The following MAST4 variants were observed in gnomAD, a reference collection of about 807,000 sequenced individuals.
MAST4 encodes microtubule associated serine/threonine kinase family member 4, also known as microtubule-associated serine/threonine-protein kinase 4.
In MAST4, 89 loss-of-function variants were observed where a neutral mutation model predicts 162.7. That is an observed-to-expected ratio of 0.55 (90% confidence interval 0.46 to 0.65). MAST4 has a LOEUF of 0.65. Among genes scored for constraint, MAST4 ranks in the 30% least tolerant of loss-of-function variants. The pLI is 0.00. For missense variants in MAST4, 3,153 were observed against 3,374.0 expected, an observed-to-expected ratio of 0.93 and a Z score of 1.62; for synonymous variants, 1,479 against 1,361.1, an observed-to-expected ratio of 1.09 and a Z score of -1.91.
chr5:66,958,125 G>A (rs1451855875), intron 4 of MAST4, among the ~76,000 whole-genome samples: 2 of 152,080 alleles, frequency 1.3e-5, no homozygotes, highest in African/African-American at 2.4e-5. Flanking sequence ...CTCTCTTTGT[G>A]TGTGTGTGTA....
At chr5:67,053,259 T>A (rs1758400471) in intron 4 of MAST4, among the ~76,000 whole-genome samples, 1 of 152,356 alleles carries the variant, frequency 6.6e-6, no homozygotes, top group East Asian at 1.9e-4. Context: ...AAGTCTGTAT[T>A]GCTGAAAGAA....
chr5:66,951,817 C>G (rs1744748196), intron 4 of MAST4, among the ~76,000 whole-genome samples: 1 of 152,236 alleles, frequency 6.6e-6, no homozygotes, highest in African/African-American at 2.4e-5. Context: ...CTTGTTGGCA[C>G]TTTCTATGTT....
intron 2 of MAST4, among the ~76,000 whole-genome samples, chr5:66,771,442 T>G (rs1754354814): frequency 1.3e-5 from 2 of 152,292 alleles, no homozygotes; most frequent in Admixed American, 1.3e-4. Context: ...CGCCTCAGCC[T>G]CCCAAAGTGC....
intron 1 of MAST4, among the ~76,000 whole-genome samples, chr5:66,647,944 A>G (rs1745950246): frequency 6.6e-6 from 1 of 151,954 alleles, no homozygotes; most frequent in African/African-American, 2.4e-5. Context: ...ATTACTTCTG[A>G]TAAGTCATTT....
chr5:67,033,380 C>T (rs1344734766), intron 4 of MAST4, among the ~76,000 whole-genome samples: 1 of 136,398 alleles, frequency 7.3e-6, no homozygotes. Context: ...AGATACTTCT[C>T]CTTTTTGAAG....
At chr5:67,030,432 C>G (rs1232527568) in intron 4 of MAST4, among the ~76,000 whole-genome samples, 2 of 152,092 alleles carry the variant, frequency 1.3e-5, no homozygotes, top group African/African-American at 4.8e-5. Context: ...ACATAATCAT[C>G]ATTTTGGTTT....
chr5:67,085,170 T>C (rs1436754965), intron 5 of MAST4, among the ~76,000 whole-genome samples: 1 of 152,212 alleles, frequency 6.6e-6, no homozygotes, highest in Admixed American at 6.5e-5. Context: ...TGCCACCATA[T>C]ACCCATTTGC....
chr5:67,048,067 T>C (rs564057008), intron 4 of MAST4, among the ~76,000 whole-genome samples: 3 of 152,256 alleles, frequency 2.0e-5, no homozygotes, highest in South Asian at 2.1e-4. Flanking sequence ...GGGCAAGAGG[T>C]GTCCAAAGAT....
At chr5:66,617,262 G>A (rs1743755467) in intron 1 of MAST4, among the ~76,000 whole-genome samples, 1 of 152,154 alleles carries the variant, frequency 6.6e-6, no homozygotes, top group South Asian at 2.1e-4. Flanking sequence ...CATGCTGTAG[G>A]CCTCCAAGAA....
At chr5:66,778,703 G>C (rs1754713387) in intron 2 of MAST4, among the ~76,000 whole-genome samples, 2 of 152,138 alleles carry the variant, frequency 1.3e-5, no homozygotes, top group South Asian at 4.1e-4. Context: ...CTATGATTGA[G>C]GGTGAAAAGA....
At chr5:66,963,998 A>T (rs760313625) in intron 4 of MAST4, 7 of 691,738 alleles carry the variant, frequency 1.0e-5, no homozygotes, top group Non-Finnish European at 1.9e-5. Flanking sequence ...TCATTGTTCA[A>T]TGTGTGTGTA....
Position 66,853,205 on chromosome 5 carries a change from GA to G in MAST4, c.643-46742del, listed in dbSNP as rs1230419589. 2.0e-5 allele frequency among the ~76,000 whole-genome samples: 3 copies of G among 152,194 alleles called. No individual in the cohort carries two copies. The East Asian group carries it at 5.8e-4, about 29-fold the overall frequency. ...ATGGGAAGAAAATAGAGGCATGTTC[GA>G]AAAGCCTGCATAACCAGTGTGATAA... On this transcript the variant is annotated intron_variant, in intron 3 of 28. Coordinates refer to ENST00000403625, the MANE Select transcript of MAST4 (RefSeq NM_001164664.2).
At chr5:66,716,297 A>C (rs1296834023) in intron 1 of MAST4, among the ~76,000 whole-genome samples, 1 of 152,124 alleles carries the variant, frequency 6.6e-6, no homozygotes, top group East Asian at 1.9e-4. Context: ...CCACTATTTA[A>C]ACCTAGGATG....
chr5:66,718,408 A>C (rs1378103524), intron 1 of MAST4, among the ~76,000 whole-genome samples: 2 of 151,872 alleles, frequency 1.3e-5, no homozygotes, highest in African/African-American at 4.8e-5. Context: ...TGCCTCCTGA[A>C]CCTGAGGACC....
intron 3 of MAST4, among the ~76,000 whole-genome samples, chr5:66,860,240 A>T (rs1044928586): frequency 1.3e-5 from 2 of 152,232 alleles, no homozygotes; most frequent in African/African-American, 4.8e-5. Context: ...TATAAACATT[A>T]CAGTAGTTGA....
intron 4 of MAST4, among the ~76,000 whole-genome samples, chr5:67,020,647 A>G (rs1374272959): frequency 6.6e-6 from 1 of 152,208 alleles, no homozygotes; most frequent in African/African-American, 2.4e-5. Flanking sequence ...TGTAGTAGAA[A>G]GGGTTTAGAG....
intron 3 of MAST4, among the ~76,000 whole-genome samples, chr5:66,897,853 A>T (rs1347467026): frequency 6.6e-6 from 1 of 152,138 alleles, no homozygotes; most frequent in Non-Finnish European, 1.5e-5. Flanking sequence ...TTTATCCCTT[A>T]TCTTGCTGTT....
intron 4 of MAST4, among the ~76,000 whole-genome samples, chr5:67,050,927 C>T (rs1758097115): frequency 6.6e-6 from 1 of 152,140 alleles, no homozygotes; most frequent in Admixed American, 6.5e-5. Flanking sequence ...TGAATGGCTT[C>T]TAGCTGTTGA....
Position 67,158,589 on chromosome 5 carries a change from TA to T in MAST4, c.3649-1859del, listed in dbSNP as rs1304425703. ...CCATCTCAAAAAAATTTTTTTTAAT[TA>T]AAAAAAATTAAAGAACTCTAAAACT... On this transcript the variant is annotated intron_variant, in intron 26 of 28. Coordinates refer to ENST00000403625, the MANE Select transcript of MAST4 (RefSeq NM_001164664.2). Among the ~76,000 whole-genome samples, 5 of 151,526 alleles carry T rather than the reference TA, an allele frequency of 3.3e-5. No individual in the cohort carries two copies. The East Asian group carries it at 9.7e-4, about 29-fold the overall frequency.
Sources: allele counts gnomAD v4.1 joint callset (sites outside exome capture counted in the v4.1 genomes callset), GRCh38; gene constraint gnomAD v4.1.1; transcripts MANE v1.5; gene names NCBI Gene and HGNC (gene_info 2026-07-23, HGNC 2026-07-21).